The following TRDN variants were observed in gnomAD, a reference collection of about 807,000 sequenced individuals.
The protein encoded by TRDN is triadin.
Under a neutral mutation model 149.7 loss-of-function variants are expected in TRDN, and 161 were observed. That is an observed-to-expected ratio of 1.08 (90% CI 0.95 to 1.23). TRDN has a LOEUF of 1.23. TRDN is among the 50% of genes most tolerant of loss of function. The pLI, the probability that TRDN is intolerant of heterozygous loss-of-function variation, is 0.00. For synonymous variants in TRDN, 294 were observed against 250.5 expected (o/e 1.17, Z -1.64); for missense variants, 896 against 823.5 (o/e 1.09, Z -1.08).
intron 12 of TRDN, chr6:123,429,298 A>G (rs1402784541): frequency 6.6e-6 from 1 of 152,164 alleles, no homozygotes; most frequent in Non-Finnish European, 1.5e-5. Flanking sequence ...TACCTTACAG[A>G]GTTGTTATGA....
intron 12 of TRDN, among the ~76,000 whole-genome samples, chr6:123,396,926 G>T (rs751170184): frequency 2.6e-5 from 4 of 151,988 alleles, no homozygotes; most frequent in Non-Finnish European, 5.9e-5. Flanking sequence ...AGTGGCAAAT[G>T]GACTGCTACA....
chr6:123,584,728 A>G (rs554558593), intron 1 of TRDN, among the ~76,000 whole-genome samples: 53 of 152,238 alleles, frequency 3.5e-4, no homozygotes, highest in African/African-American at 1.2e-3. Flanking sequence ...GTGAAAGCCA[A>G]GAGAGGCTGG....
chr6:123,422,672 A>G (rs1441769603), intron 12 of TRDN, among the ~76,000 whole-genome samples: 8 of 152,212 alleles, frequency 5.3e-5, no homozygotes, highest in Non-Finnish European at 1.2e-4. Context: ...ATTGAATGGA[A>G]TCATTGCTGC....
chr6:123,451,563 C>T (rs1775773984), intron 10 of TRDN, among the ~76,000 whole-genome samples: 1 of 151,956 alleles, frequency 6.6e-6, no homozygotes, highest in South Asian at 2.1e-4. Context: ...GAATTAGATA[C>T]CCTAAGCAGA....
intron 10 of TRDN, among the ~76,000 whole-genome samples, chr6:123,440,302 G>T (rs1006273741): frequency 3.6e-4 from 54 of 152,108 alleles, no homozygotes; most frequent in African/African-American, 1.3e-3. Flanking sequence ...CATCCAATCA[G>T]AAGTAGAAAG....
intron 8 of TRDN, among the ~76,000 whole-genome samples, chr6:123,499,719 A>AAAAAAAAAAAAAAATATATAT: frequency 1.0e-4 from 5 of 47,682 alleles, no homozygotes; most frequent in Admixed American, 3.0e-4. Flanking sequence ...AAAAAAAAAA[A>AAAAAAAAAAAAAAATATATAT]ATATATATAT....
intron 5 of TRDN, among the ~76,000 whole-genome samples, chr6:123,518,969 C>T (rs1779541437): frequency 6.6e-6 from 1 of 152,100 alleles, no homozygotes; most frequent in Non-Finnish European, 1.5e-5. Flanking sequence ...TAAAAATCAC[C>T]TATAGAGCAG....
At chr6:123,506,472 T>C (rs1298519691) in intron 7 of TRDN, among the ~76,000 whole-genome samples, 3 of 152,136 alleles carry the variant, frequency 2.0e-5, no homozygotes, top group African/African-American at 7.2e-5. Flanking sequence ...TCTTTATTTC[T>C]TTTTTATTTA....
intron 29 of TRDN, among the ~76,000 whole-genome samples, chr6:123,271,518 T>C (rs1268639074): frequency 6.6e-6 from 1 of 152,002 alleles, no homozygotes; most frequent in African/African-American, 2.4e-5. Flanking sequence ...ATATGTTCCC[T>C]TACTATTATT....
At chr6:123,632,329 T>C (rs1032252276) in intron 1 of TRDN, among the ~76,000 whole-genome samples, 1 of 152,062 alleles carries the variant, frequency 6.6e-6, no homozygotes, top group Non-Finnish European at 1.5e-5. Flanking sequence ...TCTTTCTTTC[T>C]AGTCAGAAGA....
At chr6:123,482,622 G>A (rs1299822672) in intron 9 of TRDN, among the ~76,000 whole-genome samples, 2 of 152,054 alleles carry the variant, frequency 1.3e-5, no homozygotes, top group Non-Finnish European at 2.9e-5. Context: ...AAATGGAAAA[G>A]GTCTACATCT....
intron 10 of TRDN, among the ~76,000 whole-genome samples, chr6:123,449,634 T>C (rs946619463): frequency 1.3e-5 from 2 of 152,070 alleles, no homozygotes; most frequent in African/African-American, 4.8e-5. Context: ...TAAAATCTTG[T>C]AAAACATATT....
intron 28 of TRDN, 76 bp from the exon 29 acceptor site, chr6:123,273,087 G>T (rs976972462): frequency 1.1e-6 from 1 of 944,998 alleles, no homozygotes; most frequent in Non-Finnish European, 1.5e-6. Context: ...TAGCAAATGT[G>T]CCCATAGAGA....
chr6:123,581,786 A>G (rs974649544), intron 1 of TRDN, among the ~76,000 whole-genome samples: 5 of 152,220 alleles, frequency 3.3e-5, no homozygotes, highest in African/African-American at 9.6e-5. Context: ...TGACAGAAAG[A>G]AAGCATATAT....
chr6:123,324,391 G>C (rs1779364427), intron 23 of TRDN, among the ~76,000 whole-genome samples: 1 of 152,064 alleles, frequency 6.6e-6, no homozygotes, highest in Non-Finnish European at 1.5e-5. Context: ...GAGGCAGGAG[G>C]AGCTCTTGAG....
chr6:123,542,626 A>G (rs897513772), intron 4 of TRDN, among the ~76,000 whole-genome samples: 1 of 152,208 alleles, frequency 6.6e-6, no homozygotes, highest in African/African-American at 2.4e-5. Flanking sequence ...AAGGAGATAG[A>G]GATAGGTGTA....
At chr6:123,499,719 A>AAAAAAAAAAAAATATATATATATATAT in intron 8 of TRDN, among the ~76,000 whole-genome samples, 13 of 47,658 alleles carry the variant, frequency 2.7e-4, no homozygotes, top group Non-Finnish European at 4.5e-4. Context: ...AAAAAAAAAA[A>AAAAAAAAAAAAATATATATATATATAT]ATATATATAT....
At chr6:123,589,173 G>A (rs531037531) in intron 1 of TRDN, among the ~76,000 whole-genome samples, 92 of 152,240 alleles carry the variant, frequency 6.0e-4, no homozygotes, top group African/African-American at 1.9e-3. Context: ...AGAAGTTTGC[G>A]GAAAGAATCT....
chr6:123,426,214 T>TA (rs1774112988), intron 12 of TRDN, among the ~76,000 whole-genome samples: 1 of 152,160 alleles, frequency 6.6e-6, no homozygotes, highest in Admixed American at 6.6e-5. Flanking sequence ...AGATCTCTTC[T>TA]AATTTTTATT....
Sources: allele counts gnomAD v4.1 joint callset (sites outside exome capture counted in the v4.1 genomes callset), GRCh38; gene constraint gnomAD v4.1.1; transcripts MANE v1.5; gene names NCBI Gene and HGNC (gene_info 2026-07-23, HGNC 2026-07-21).